METTL5: variants seen among roughly 807,000 people sequenced by gnomAD.
METTL5 encodes methyltransferase 5, N6-adenosine, also known as rRNA N(6)-adenosine-methyltransferase METTL5.
Under a neutral mutation model 26.5 loss-of-function variants are expected in METTL5, and 28 were observed. The observed-to-expected ratio is 1.06, with a 90% confidence interval of 0.78 to 1.45. The LOEUF (loss-of-function observed/expected upper bound fraction) is 1.45, where lower values mean the gene tolerates loss of function less well. METTL5 is among the 40% of genes most tolerant of loss of function. The pLI is 0.00. For missense variants in METTL5, 231 were observed against 249.9 expected (o/e 0.92, Z 0.51); for synonymous variants, 86 against 82.6 (o/e 1.04, Z -0.22).
At chr2:169,815,635 A>G (rs2081496019) in intron 4 of METTL5, 107 bp from the exon 5 acceptor site, 2 of 748,072 alleles carry the variant, frequency 2.7e-6, no homozygotes, top group South Asian at 4.1e-5. Context: ...AAATTTCATT[A>G]GAATCTAGAC....
rs778306571 is a variant in METTL5, at chr2:169,824,601, G to T, written c.-4C>A. On this transcript the variant is annotated 5_prime_UTR_variant, in exon 1 of 7. Transcript: ENST00000260953. ...CCTTAAGCCTTACTTTCTTCATTTT[G>T]TTTTAAAGTATGGACTCGTAGGGTT... 2 of 1,608,464 alleles carry T rather than the reference G, an allele frequency of 1.2e-6. No individual in the cohort carries two copies. Among genetic ancestry groups the T allele is most frequent in the Non-Finnish European group, 1.7e-6 (2 of 1,174,956 alleles).
intron 4 of METTL5, among the ~76,000 whole-genome samples, chr2:169,818,288 G>A (rs1368592320): frequency 6.6e-6 from 1 of 152,104 alleles, no homozygotes; most frequent in East Asian, 1.9e-4. Context: ...TATTCTACTG[G>A]CAGAAGACTC....
chr2:169,821,044 A>T (rs1278450322), intron 3 of METTL5, 48 bp downstream of exon 3: 3 of 1,477,484 alleles, frequency 2.0e-6, no homozygotes, highest in Non-Finnish European at 2.7e-6. Flanking sequence ...AAATGGTTTT[A>T]AAATCTTTTC....
chr2:169,812,059 C>A, intron 6 of METTL5: 3 of 651,344 alleles, frequency 4.6e-6, no homozygotes, highest in Admixed American at 3.4e-5. Context: ...ATGAAAAGAG[C>A]AAAAACAGTT....
intron 1 of METTL5, among the ~76,000 whole-genome samples, chr2:169,823,919 A>G (rs1340242179): frequency 6.6e-6 from 1 of 152,230 alleles, no homozygotes; most frequent in African/African-American, 2.4e-5. Flanking sequence ...TACTCCCAGT[A>G]TCAATATCTG....
At chr2:169,816,576 A>G (rs1464814315) in intron 4 of METTL5, among the ~76,000 whole-genome samples, 3 of 152,236 alleles carry the variant, frequency 2.0e-5, no homozygotes, top group Non-Finnish European at 4.4e-5. Flanking sequence ...CCAAAATAGC[A>G]TGGTACTGGT....
intron 1 of METTL5, among the ~76,000 whole-genome samples, chr2:169,823,538 A>G (rs62171185): frequency 0.16 from 24,917 of 152,226 alleles, 2,139 homozygotes; most frequent in African/African-American, 0.19. Flanking sequence ...TTTCCTAAGG[A>G]GCCAGCCTCA....
intron 2 of METTL5, 27 bp downstream of exon 2, chr2:169,821,916 C>T (rs759043735): frequency 6.2e-7 from 1 of 1,602,642 alleles, no homozygotes; most frequent in Non-Finnish European, 8.5e-7. Flanking sequence ...CACCCAATAC[C>T]CAAATAGCAT....
intron 6 of METTL5, 55 bp from the exon 7 acceptor site, chr2:169,811,913 T>C: frequency 1.9e-6 from 3 of 1,565,978 alleles, no homozygotes; most frequent in Non-Finnish European, 2.6e-6. Context: ...GTTATGCAAA[T>C]GAGATTTCTT....
intron 4 of METTL5, among the ~76,000 whole-genome samples, chr2:169,817,548 T>C (rs901051180): frequency 1.7e-4 from 26 of 152,100 alleles, no homozygotes; most frequent in African/African-American, 6.3e-4. Flanking sequence ...CCATCGATAA[T>C]AGACTGGATA....
At chr2:169,811,943 G>C (rs1284976800) in intron 6 of METTL5, 85 bp from the exon 7 acceptor site, 5 of 1,445,140 alleles carry the variant, frequency 3.5e-6, no homozygotes, top group Non-Finnish European at 4.8e-6. Flanking sequence ...TGTTCTGTTT[G>C]TGTTATTTCA....
intron 3 of METTL5, among the ~76,000 whole-genome samples, chr2:169,820,446 G>T (rs898577853): frequency 3.9e-5 from 6 of 152,122 alleles, no homozygotes; most frequent in Non-Finnish European, 8.8e-5. Context: ...CATTCATAAG[G>T]GTTAGGCAAA....
chr2:169,819,618 A>C lies in METTL5; in HGVS notation c.432T>G (p.Thr144=), dbSNP rs1318467230. The C allele has an allele frequency of 1.2e-6, 2 of 1,613,246 alleles. No homozygotes were observed. The highest frequency in any genetic ancestry group is 3.3e-5 in the Admixed American group (2 of 60,014). The change falls in exon 4 of 7, where the codon ACT becomes ACG. Residue 144 remains threonine (T), a synonymous_variant. Transcript: ENST00000260953. ...NKGTDMAFLK[T]ALEMARTAVY... ...CTGCTGTTCTTGCCATTTCCAAAGCAGTCTTTAGAAAAGCCATATCTGTCC... is the reference window on the plus strand; with the variant it reads ...CTGCTGTTCTTGCCATTTCCAAAGCCGTCTTTAGAAAAGCCATATCTGTCC...
intron 4 of METTL5, 151 bp from the exon 5 acceptor site, chr2:169,815,679 C>G (rs1302497381): frequency 2.7e-5 from 15 of 556,976 alleles, no homozygotes; most frequent in Middle Eastern, 4.6e-4. Flanking sequence ...GGATAGTATT[C>G]TGAAAATAAT....
rs368554206 is a variant in METTL5 at position 169,824,633 on chromosome 2, C to T, written c.-36G>A. 1.4e-6 allele frequency: 2 copies of T among 1,477,408 alleles called. No individual in the cohort carries two copies. Among genetic ancestry groups the T allele is most frequent in the East Asian group, 2.3e-5 (1 of 44,216 alleles). The allele number at this position is 1,477,408 out of a possible 1,614,324, so 91.5% of individuals were successfully genotyped here. A position where few individuals can be genotyped will look rare whatever the true frequency, so the allele number is the denominator to read the frequency against. Reference sequence around the variant, plus strand: ...AGTATGGACTCGTAGGGTTTGAAGGCACAGGATCTGCGGAGAAATCTATTG... The same window carrying T: ...AGTATGGACTCGTAGGGTTTGAAGGTACAGGATCTGCGGAGAAATCTATTG... On this transcript the variant is annotated 5_prime_UTR_variant, in exon 1 of 7. Transcript: ENST00000260953.
rs567089521 is a variant in METTL5, at chr2:169,817,253, A to G, written c.490-1725T>C. The stretch of plus-strand genomic sequence containing the variant: ...AATGAGATACCATCTCATACCAGTT[A>G]GAATGGCAATCATTAAAAAGTCAGG... On this transcript the variant is annotated intron_variant, in intron 4 of 6. Transcript: ENST00000260953. Among the ~76,000 whole-genome samples, 9 of 152,364 alleles carry G rather than the reference A, an allele frequency of 5.9e-5. No individual in the cohort carries two copies. The East Asian group carries it at 9.6e-4, about 16-fold the overall frequency.
intron 4 of METTL5, among the ~76,000 whole-genome samples, chr2:169,815,975 G>A (rs1006338731): frequency 3.3e-5 from 5 of 152,076 alleles, no homozygotes; most frequent in Non-Finnish European, 5.9e-5. Context: ...ACAGTAATAG[G>A]TTGACAGGTT....
In METTL5 at chr2:169,815,497, AT is replaced by A; in HGVS notation, c.520del (p.Ile174SerfsTer3). Reference sequence around the variant, plus strand: ...CTTACCTGCTATAATATCTATCTTGATTTTCCATTCTGCAGCTTTCTTTTGA... The same window carrying A: ...CTTACCTGCTATAATATCTATCTTGATTTCCATTCTGCAGCTTTCTTTTGA... ...HVQKKAAEWK[I>X]KIDIIAELRY... On this transcript the variant is annotated frameshift_variant, in exon 5 of 7. Transcript: ENST00000260953. LOFTEE classifies it high-confidence loss of function. 6.2e-7 allele frequency: 1 copy of A among 1,604,312 alleles called. No homozygotes were observed.
chr2:169,812,621 C>A, intron 5 of METTL5, 115 bp from the exon 6 acceptor site: 3 of 1,133,414 alleles, frequency 2.6e-6, no homozygotes, highest in Admixed American at 5.0e-5. Context: ...GTAAGCTGAA[C>A]ATTTTAGAAC....
Sources: gnomAD v4.1 joint callset for allele counts (sites outside exome capture counted in the v4.1 genomes callset) on GRCh38, gnomAD v4.1.1 for gene constraint, MANE v1.5 for transcripts, NCBI Gene and HGNC (gene_info 2026-07-23, HGNC 2026-07-21) for gene names.